The following KMT2B variants were observed in gnomAD, a reference collection of about 807,000 sequenced individuals.
The protein encoded by KMT2B is lysine methyltransferase 2B, also known as histone-lysine N-methyltransferase 2B.
A neutral mutation model predicts 255.3 loss-of-function variants in KMT2B; 22 were observed. The observed-to-expected ratio is 0.09, with a 90% CI of 0.06 to 0.12. The LOEUF (loss-of-function observed/expected upper bound fraction) is 0.12. Ranked by LOEUF, KMT2B falls within the 10% of genes least tolerant of loss-of-function variation. The pLI is 1.00. For synonymous variants in KMT2B, 1,730 were observed against 1,498.1 expected, an observed-to-expected ratio of 1.15 and a Z score of -3.57; for missense variants, 3,149 against 3,737.0, an observed-to-expected ratio of 0.84 and a Z score of 4.10.
Position 35,729,281 on chromosome 19 carries a change from C to T in KMT2B, c.4902C>T (p.Ala1634=). The T allele has an allele frequency of 6.3e-7, 1 of 1,599,448 alleles. No individual in the cohort carries two copies. Among genetic ancestry groups the T allele is most frequent in the Non-Finnish European group, 8.5e-7 (1 of 1,173,410 alleles). Reference sequence around the variant, plus strand: ...TCAAGAATGTGCATGCTGCTGTGGCCCGAGGGAGGCAGATGGTGAGGGCGC... The same window carrying T: ...TCAAGAATGTGCATGCTGCTGTGGCTCGAGGGAGGCAGATGGTGAGGGCGC... The part of the protein sequence containing the change: ...GSLKNVHAAV[A]RGRQMRCELC... The change falls in exon 22 of 37, where the codon GCC becomes GCT. Residue 1634 remains alanine (A), a synonymous_variant. Coordinates refer to ENST00000420124, the MANE Select transcript of KMT2B (RefSeq NM_014727.3).
Position 35,721,661 on chromosome 19 carries a change from C to T in KMT2B, c.2314C>T (p.Leu772=). The change falls in exon 3 of 37, where the codon CTG becomes TTG. Residue 772 remains leucine, a synonymous_variant. Coordinates refer to ENST00000420124, the MANE Select transcript of KMT2B (RefSeq NM_014727.3). ...PPPSPQQMPP[L]EKARIAGVGS... is the part of the protein sequence containing the mutation. ...GCCGTCACCACAGCAGATGCCTCCC[C>T]TGGAAAAAGCCCGGATTGCGGGCGT... 1 of 1,613,176 alleles carries T rather than the reference C, an allele frequency of 6.2e-7. No individual in the cohort carries two copies. The highest frequency in any genetic ancestry group is 1.1e-5 in the South Asian group (1 of 91,024).
In KMT2B at chr19:35,733,247, C is replaced by G; in HGVS notation, c.6698C>G (p.Thr2233Ser). ...TISPTAPTSW[T>S]LPPGPLLGVL... ...TCCCCCACGGCTCCCACCTCCTGGA[C>G]TCTGCCCCCAGGCCCCCTCCTCGGC... The change falls in exon 28 of 37, where the codon ACT (threonine) becomes AGT (serine). Residue 2233 changes from threonine (T) to serine (S), a missense_variant. By Grantham distance (58) the Thr-to-Ser change is moderately conservative (BLOSUM62 1). Coordinates refer to ENST00000420124, the MANE Select transcript of KMT2B (RefSeq NM_014727.3). This position sits in a 1 kb window ranked among gnomAD's most constrained non-coding sequence, Gnocchi z 4.3. The G allele has an allele frequency of 6.7e-7, 1 of 1,487,898 alleles. No individual in the cohort carries two copies. Among genetic ancestry groups the G allele is most frequent in the South Asian group, 1.2e-5 (1 of 81,226 alleles). The allele number at this position is 1,487,898 out of a possible 1,614,324, so 92.2% of individuals were successfully genotyped here. A position where few individuals can be genotyped will look rare whatever the true frequency, so the allele number is the denominator to read the frequency against.
Position 35,733,839 on chromosome 19 carries a change from C to G in KMT2B, c.7126C>G (p.Leu2376Val), listed in dbSNP as rs760577106. 1.2e-6 allele frequency: 2 copies of G among 1,613,672 alleles called. No individual in the cohort carries two copies. The highest frequency in any genetic ancestry group is 2.2e-5 in the South Asian group (2 of 91,080). Reference sequence around the variant, plus strand: ...CCAGGTCCCCGATGGTCCCCCAGACCTGCTGCTTGAGTCCCAGTGGCACCA... The same window carrying G: ...CCAGGTCCCCGATGGTCCCCCAGACGTGCTGCTTGAGTCCCAGTGGCACCA... ...PPQVPDGPPD[L>V]LLESQWHHYS... The change falls in exon 30 of 37, where the codon CTG (leucine) becomes GTG (valine). Residue 2376 changes from leucine (L) to valine (V), a missense_variant. Leu to Val is a conservative substitution (Grantham distance 32). This residue lies in a region of KMT2B where 897 missense variants were observed against 825.3 expected (regional missense o/e 1.09). Transcript: ENST00000420124. The surrounding 1 kb of genome is among the most constrained non-coding windows in gnomAD (Gnocchi z 4.3).
At position 35,738,167 on chromosome 19, in the gene KMT2B, G is replaced by A. The variant is rs376248721; in HGVS notation, c.7848G>A (p.Lys2616=). ...TCATCCGCTCGGTGTTGACTGACAA[G>A]CGGGAGAAGTTCTACGATGGGAAGG... The part of the protein sequence containing the change: ...GIVIRSVLTD[K]REKFYDGKGI... Residue 2616 remains lysine (K), a synonymous_variant, in exon 36 of 37, where the codon AAG becomes AAA. Coordinates refer to ENST00000420124, the MANE Select transcript of KMT2B (RefSeq NM_014727.3). This position sits in a 1 kb window ranked among gnomAD's most constrained non-coding sequence, Gnocchi z 8.7. The A allele has an allele frequency of 1.6e-5, 26 of 1,613,888 alleles. 1 individual carries two copies. In the African/African-American group the frequency reaches 2.9e-4, roughly 18 times the overall value.
intron 8 of KMT2B, 68 bp downstream of exon 8, chr19:35,724,075 C>T (rs2146446969): frequency 9.1e-6 from 13 of 1,431,918 alleles, no homozygotes; most frequent in African/African-American, 1.4e-5. Context: ...GTAGGAGGGA[C>T]AAGGCACCCA....
rs1411504419 is a variant in KMT2B, at chr19:35,727,460, A to G, written c.4140A>G (p.Ser1380=). The change falls in exon 16 of 37, where the codon TCA becomes TCG. Residue 1380 remains serine (S), a synonymous_variant. Transcript: ENST00000420124. The surrounding 1 kb of genome is among the most constrained non-coding windows in gnomAD (Gnocchi z 4.2). ...TAGATGAAGACTACGAGATCCTTTC[A>G]GGACTGCCAGACTCGGTGCTGTACA... ...GLSDEDYEIL[S]GLPDSVLYTC... The G allele has an allele frequency of 1.9e-6, 3 of 1,613,078 alleles. No individual in the cohort carries two copies. Among genetic ancestry groups the G allele is most frequent in the African/African-American group, 2.7e-5 (2 of 75,030 alleles).
In KMT2B at chr19:35,727,801, C is replaced by A. The variant is rs749995718; in HGVS notation, c.4392+14C>A. ...TACAAGTCTGTGGTGAGTGGTACAC[C>A]AGGAGGAGCAGGTGGGTGGCAGGAG... On this transcript the variant is annotated intron_variant, in intron 17 of 36. Transcript: ENST00000420124. This position sits in a 1 kb window ranked among gnomAD's most constrained non-coding sequence, Gnocchi z 4.2. 13 of 1,613,566 alleles carry A rather than the reference C, an allele frequency of 8.1e-6. No individual in the cohort carries two copies. The highest frequency in any genetic ancestry group is 1.1e-5 in the Non-Finnish European group (13 of 1,179,724).
At position 35,725,145 on chromosome 19, in the gene KMT2B, G is replaced by A; in HGVS notation, c.3528+58G>A. ...TCTGGTTGGAAGAACCTCGATGACT[G>A]TGTCATCGAGAAGCCAGGTGGGTCT... On this transcript the variant is annotated intron_variant, in intron 10 of 36. Coordinates refer to ENST00000420124, the MANE Select transcript of KMT2B (RefSeq NM_014727.3). This position sits in a 1 kb window ranked among gnomAD's most constrained non-coding sequence, Gnocchi z 4.1. 6.5e-7 allele frequency: 1 copy of A among 1,550,120 alleles called. No individual in the cohort carries two copies. The highest frequency in any genetic ancestry group is 2.2e-5 in the East Asian group (1 of 44,560).
At chr19:35,726,607 C>G (rs906017182) in intron 14 of KMT2B, among the ~76,000 whole-genome samples, 3 of 152,124 alleles carry the variant, frequency 2.0e-5, no homozygotes, top group African/African-American at 7.2e-5. Flanking sequence ...TTCCTGGAAC[C>G]TCACGTCTCC....
In KMT2B at chr19:35,720,443, G is replaced by A. The variant is rs186777199; in HGVS notation, c.1096G>A (p.Glu366Lys). The part of the protein sequence containing the change: ...KQEQKLDDEE[E>K]EKKEEEEKDK... Reference sequence around the variant, plus strand: ...GGAACAGAAGCTGGATGACGAGGAAGAAGAGAAGAAAGAAGAAGAAGAAAA... The same window carrying A: ...GGAACAGAAGCTGGATGACGAGGAAAAAGAGAAGAAAGAAGAAGAAGAAAA... The change falls in exon 3 of 37, where the codon GAA becomes AAA. Residue 366 changes from glutamate (E) to lysine (K), a missense_variant. Transcript: ENST00000420124. 7.3e-4 allele frequency: 1,132 copies of A among 1,553,234 alleles called. 7 individuals are homozygous for A. In the African/African-American group the frequency reaches 0.014, roughly 19 times the overall value.
chr19:35,726,093 GTGTC>G, intron 13 of KMT2B, 139 bp from the exon 14 acceptor site: 1 of 689,136 alleles, frequency 1.5e-6, no homozygotes, highest in South Asian at 1.7e-5. Context: ...TTCCTCCTCC[GTGTC>G]TGTCCTGCGT....
At chr19:35,724,246 T>C (rs1411656951) in intron 8 of KMT2B, among the ~76,000 whole-genome samples, 1 of 152,128 alleles carries the variant, frequency 6.6e-6, no homozygotes, top group Admixed American at 6.5e-5. Context: ...ACACTTGTAA[T>C]CCCAGCACTT....
At position 35,738,532 on chromosome 19, in the gene KMT2B, A is replaced by G. The variant is rs367916307; in HGVS notation, c.8123A>G (p.Lys2708Arg). 2.0e-5 allele frequency: 33 copies of G among 1,613,662 alleles called. No homozygotes were observed. Among genetic ancestry groups the G allele is most frequent in the Non-Finnish European group, 2.4e-5 (28 of 1,179,750 alleles). ...SNKLPCNCGA[K>R]RCRRFLN ...AAGCTGCCCTGCAACTGTGGCGCCA[A>G]GCGCTGCCGTCGGTTCCTTAACTGA... Residue 2708 changes from lysine to arginine, a missense_variant, in exon 37 of 37, where the codon AAG becomes AGG. Lys to Arg is a conservative substitution (Grantham distance 26). Coordinates refer to ENST00000420124, the MANE Select transcript of KMT2B (RefSeq NM_014727.3). This position sits in a 1 kb window ranked among gnomAD's most constrained non-coding sequence, Gnocchi z 8.7.
Position 35,738,628 on chromosome 19 carries a change from G to A in KMT2B, c.*71G>A. ...GCTGCCATCTTGCCCCTAGCCTGGG[G>A]GCTCCCTAGCCCCTCCCAGAGCATC... On this transcript the variant is annotated 3_prime_UTR_variant, in exon 37 of 37. Transcript: ENST00000420124. This position sits in a 1 kb window ranked among gnomAD's most constrained non-coding sequence, Gnocchi z 8.7. 6.6e-7 allele frequency: 1 copy of A among 1,520,288 alleles called. No individual in the cohort carries two copies. The allele number at this position is 1,520,288 out of a possible 1,614,324, so 94.2% of individuals were successfully genotyped here. A position where few individuals can be genotyped will look rare whatever the true frequency, so the allele number is the denominator to read the frequency against.
rs752146274 is a variant in KMT2B, at chr19:35,730,885, T to C, written c.5437+18T>C. 3.7e-5 allele frequency: 59 copies of C among 1,578,396 alleles called. No individual in the cohort carries two copies. Among genetic ancestry groups the C allele is most frequent in the Non-Finnish European group, 5.1e-5 (59 of 1,161,456 alleles). ...TTCCTCAGGTGTGGCTTTGGCTCTG[T>C]CTTCTTCCTGAATACCGCTCTCCCT... On this transcript the variant is annotated intron_variant, in intron 26 of 36. Transcript: ENST00000420124.
intron 5 of KMT2B, 86 bp from the exon 6 acceptor site, chr19:35,722,909 G>C: frequency 6.9e-7 from 1 of 1,451,610 alleles, no homozygotes; most frequent in Non-Finnish European, 9.1e-7. Flanking sequence ...GAGAAAGCGA[G>C]AGCCAGGTTG....
intron 13 of KMT2B, 101 bp from the exon 14 acceptor site, chr19:35,726,135 G>A (rs1414270564): frequency 4.7e-6 from 4 of 848,872 alleles, no homozygotes; most frequent in Non-Finnish European, 7.8e-6. Flanking sequence ...GTCCCTCCTT[G>A]CCTGCTTCCT....
chr19:35,726,167 G>A (rs1026586113), intron 13 of KMT2B, 69 bp from the exon 14 acceptor site: 10 of 1,183,472 alleles, frequency 8.4e-6, no homozygotes, highest in Admixed American at 3.8e-5. Flanking sequence ...ATTCCTCCTC[G>A]CCCGTCTCCC....
At chr19:35,731,808 G>C (rs1445337313) in intron 26 of KMT2B, 100 bp from the exon 27 acceptor site, 1 of 916,060 alleles carries the variant, frequency 1.1e-6, no homozygotes, top group Admixed American at 2.0e-5. Flanking sequence ...ACTGGGTCAG[G>C]GTCGGGGACC....
Sources: allele counts gnomAD v4.1 joint callset (sites outside exome capture counted in the v4.1 genomes callset), GRCh38; gene constraint gnomAD v4.1.1; regional missense constraint gnomAD v4.1.1; non-coding constraint Gnocchi (gnomAD v3.1); transcripts MANE v1.5; gene names NCBI Gene and HGNC (gene_info 2026-07-23, HGNC 2026-07-21).